The following VPS13C variants were observed in gnomAD, a reference collection of about 807,000 sequenced individuals.
VPS13C encodes vacuolar protein sorting 13 homolog C.
Under a neutral mutation model 456.8 loss-of-function variants are expected in VPS13C, and 358 were observed. That is an observed-to-expected ratio of 0.78 (90% CI 0.72 to 0.86). The LOEUF is 0.86. VPS13C is among the 40% of genes least tolerant of loss of function. VPS13C has a pLI of 0.00. For missense variants in VPS13C, 4,818 were observed against 4,385.4 expected (o/e 1.10, Z -2.79); for synonymous variants, 1,578 against 1,486.7 (o/e 1.06, Z -1.41).
intron 67 of VPS13C, among the ~76,000 whole-genome samples, chr15:61,886,885 A>G (rs1297167516): frequency 1.3e-5 from 2 of 152,198 alleles, no homozygotes; most frequent in African/African-American, 4.8e-5. Context: ...TTATGATAAA[A>G]ACTCTGAGAC....
intron 66 of VPS13C, among the ~76,000 whole-genome samples, chr15:61,896,777 G>A (rs1596305336): frequency 6.6e-6 from 1 of 152,220 alleles, no homozygotes; most frequent in East Asian, 1.9e-4. Context: ...GCCTGCCTCT[G>A]TAGGCTCCAC....
intron 8 of VPS13C, among the ~76,000 whole-genome samples, chr15:62,022,398 A>C (rs2047495194): frequency 6.6e-6 from 1 of 151,884 alleles, no homozygotes; most frequent in African/African-American, 2.4e-5. Context: ...CATTGTACCC[A>C]GGTTCACTTT....
chr15:62,008,632 A>G, intron 14 of VPS13C, 23 bp downstream of exon 14: 1 of 1,552,798 alleles, frequency 6.4e-7, no homozygotes, highest in Non-Finnish European at 8.8e-7. Flanking sequence ...TCCTCACAAA[A>G]CAAAAAACAA....
At position 61,996,990 on chromosome 15, in the gene VPS13C, C is replaced by CATATAT. The variant is rs1416476981; in HGVS notation, c.1353+3573_1353+3574insATATAT. Among the ~76,000 whole-genome samples the CATATAT allele has an allele frequency of 3.6e-4, 50 of 139,952 alleles. 1 individual carries two copies. The highest frequency in any genetic ancestry group is 3.0e-3 in the East Asian group (14 of 4,604). 91.8% of individuals were successfully genotyped at this position (139,952 alleles called of 152,430 possible). A position where few individuals can be genotyped will look rare whatever the true frequency, so the allele number is the denominator to read the frequency against. The stretch of plus-strand genomic sequence containing the variant: ...TTTTCATCCTTGCCTATATATTTTA[C>CATATAT]ATACATACATATATATATATATGTA... On this transcript the variant is annotated intron_variant, in intron 16 of 84. Transcript: ENST00000644861.
chr15:61,990,671 C>G (rs1596439567), intron 18 of VPS13C, among the ~76,000 whole-genome samples: 4 of 152,084 alleles, frequency 2.6e-5, no homozygotes, highest in South Asian at 4.1e-4. Flanking sequence ...ATTAGCCAGG[C>G]AGGGTGGCAG....
intron 2 of VPS13C, among the ~76,000 whole-genome samples, chr15:62,043,096 A>AT (rs2048293692): frequency 6.6e-6 from 1 of 151,994 alleles, no homozygotes; most frequent in South Asian, 2.1e-4. Context: ...TTTCCAATCT[A>AT]TAACAACAGA....
chr15:61,907,313 T>A lies in VPS13C; in HGVS notation c.9056A>T (p.Lys3019Ile). Residue 3019 changes from lysine to isoleucine, a missense_variant, in exon 66 of 85, where the codon AAA becomes ATA. Around this residue, in one of 3 missense-constraint regions of VPS13C, gnomAD observed 4,552 missense variants for 4,130.6 expected, o/e 1.10. Coordinates refer to ENST00000644861, the MANE Select transcript of VPS13C (RefSeq NM_020821.3). ...ATTTGCTGCATATGTCCATGTAAGT[T>A]TTCTGGTACCAGTAGGATCTGCCCA... ...FAWADPTGTR[K>I]LTWTYAANVG... 1 of 1,614,008 alleles carries A rather than the reference T, an allele frequency of 6.2e-7. No homozygotes were observed. The highest frequency in any genetic ancestry group is 8.5e-7 in the Non-Finnish European group (1 of 1,179,880).
chr15:61,931,705 T>G (rs1053634233), intron 49 of VPS13C, among the ~76,000 whole-genome samples: 1 of 151,406 alleles, frequency 6.6e-6, no homozygotes, highest in Non-Finnish European at 1.5e-5. Context: ...GCCTCCCGAG[T>G]AGCTGGGATT....
At chr15:61,932,197 G>C (rs1357853285) in intron 49 of VPS13C, among the ~76,000 whole-genome samples, 2 of 152,090 alleles carry the variant, frequency 1.3e-5, no homozygotes, top group East Asian at 3.9e-4. Context: ...ATTATGGCTG[G>C]GGAAAATTCA....
At chr15:61,999,454 C>G (rs2046519970) in intron 16 of VPS13C, among the ~76,000 whole-genome samples, 1 of 151,636 alleles carries the variant, frequency 6.6e-6, no homozygotes, top group Non-Finnish European at 1.5e-5. Flanking sequence ...GCTTGGCGTC[C>G]CTAACGTTCA....
At chr15:61,967,994 T>C (rs1472758856) in intron 28 of VPS13C, among the ~76,000 whole-genome samples, 1 of 152,072 alleles carries the variant, frequency 6.6e-6, no homozygotes, top group Non-Finnish European at 1.5e-5. Flanking sequence ...CTGAGAGAGC[T>C]TAAAATTTTC....
At chr15:61,916,110 C>G in intron 60 of VPS13C, 88 bp from the exon 61 acceptor site, 4 of 1,389,060 alleles carry the variant, frequency 2.9e-6, no homozygotes, top group Non-Finnish European at 3.8e-6. Flanking sequence ...AAATAAACTA[C>G]CAGATGCATG....
intron 75 of VPS13C, 89 bp from the exon 76 acceptor site, chr15:61,875,934 A>T (rs1895391328): frequency 2.2e-6 from 2 of 914,074 alleles, no homozygotes; most frequent in Non-Finnish European, 3.2e-6. Flanking sequence ...TTACTGATAA[A>T]ATTAAGTTTG....
intron 58 of VPS13C, 150 bp from the exon 59 acceptor site, chr15:61,918,407 T>C: frequency 1.6e-6 from 1 of 644,596 alleles, no homozygotes; most frequent in South Asian, 2.6e-5. Flanking sequence ...TTTTAGGGTA[T>C]TTAAGTGCTA....
Position 61,915,627 on chromosome 15 carries a change from C to A in VPS13C, c.8445+6G>T. On this transcript the variant is annotated splice_donor_region_variant and intron_variant, in intron 61 of 84. Coordinates refer to ENST00000644861, the MANE Select transcript of VPS13C (RefSeq NM_020821.3). ...GCTTTAACTTATTATGTGAACAAAA[C>A]CACACCTTATTTTTAGTAAAAATGT... is the stretch of plus-strand genomic sequence containing the variant. The A allele has an allele frequency of 1.3e-6, 2 of 1,575,288 alleles. No individual in the cohort carries two copies. The highest frequency in any genetic ancestry group is 3.9e-4 in the Middle Eastern group (2 of 5,114).
chr15:62,029,261 G>A (rs991812407), intron 5 of VPS13C, among the ~76,000 whole-genome samples: 12 of 152,098 alleles, frequency 7.9e-5, no homozygotes, highest in Non-Finnish European at 1.6e-4. Flanking sequence ...ATTTTGAAGA[G>A]TGACTGCTGA....
intron 3 of VPS13C, 96 bp downstream of exon 3, chr15:62,041,228 A>C: frequency 7.5e-7 from 1 of 1,338,018 alleles, no homozygotes; most frequent in South Asian, 1.3e-5. Flanking sequence ...AAAATCTCTC[A>C]CACTTTTAAT....
At position 62,015,979 on chromosome 15, in the gene VPS13C, A is replaced by T. The variant is rs2047232077; in HGVS notation, c.685-1987T>A. 2.7e-5 allele frequency among the ~76,000 whole-genome samples: 4 copies of T among 148,364 alleles called. 1 individual carries two copies. In the South Asian group the frequency reaches 8.4e-4, roughly 31 times the overall value. On this transcript the variant is annotated intron_variant, in intron 9 of 84. Transcript: ENST00000644861. ...GAAGTCCAAAAAAAAAAAAAAAAAA[A>T]AAAAACTAGTTTCCTTCACTGCCTT...
intron 24 of VPS13C, among the ~76,000 whole-genome samples, chr15:61,974,932 T>C (rs546143134): frequency 1.3e-5 from 2 of 152,268 alleles, no homozygotes; most frequent in Admixed American, 1.3e-4. Context: ...AGTTGCTTAC[T>C]TTTTGGCAGG....
Sources: gnomAD v4.1 joint callset for allele counts (sites outside exome capture counted in the v4.1 genomes callset) on GRCh38, gnomAD v4.1.1 for gene constraint, gnomAD v4.1.1 regional missense constraint, MANE v1.5 for transcripts, NCBI Gene and HGNC (gene_info 2026-07-23, HGNC 2026-07-21) for gene names.